HSD17B2: variants seen among roughly 807,000 people sequenced by gnomAD.
HSD17B2 encodes 17-beta-hydroxysteroid dehydrogenase type 2.
HSD17B2 carries 32 observed loss-of-function variants against 26.9 expected under a neutral mutation model. That is an observed-to-expected ratio of 1.19 (90% CI 0.90 to 1.60). The LOEUF is 1.60. HSD17B2 is among the 40% of genes most tolerant of loss of function. The pLI is 0.00. For missense variants in HSD17B2, 613 were observed against 468.6 expected (o/e 1.31, Z -2.85); for synonymous variants, 246 against 186.7 (o/e 1.32, Z -2.59).
intron 1 of HSD17B2, among the ~76,000 whole-genome samples, chr16:82,054,868 C>T (rs1384841626): frequency 2.0e-5 from 3 of 152,116 alleles, no homozygotes; most frequent in Non-Finnish European, 4.4e-5. Flanking sequence ...TGGTTCAAAA[C>T]TTTCTGATGA....
intron 1 of HSD17B2, among the ~76,000 whole-genome samples, chr16:82,066,543 C>CT (rs1914576919): frequency 1.3e-5 from 2 of 152,266 alleles, no homozygotes; most frequent in East Asian, 1.9e-4. Flanking sequence ...AAAATAAGTA[C>CT]TTTTTTGTAG....
chr16:82,038,892 G>C (rs1357485006), intron 1 of HSD17B2, among the ~76,000 whole-genome samples: 1 of 152,106 alleles, frequency 6.6e-6, no homozygotes, highest in Non-Finnish European at 1.5e-5. Context: ...GCCAATTGGA[G>C]ACTAGAGAGC....
At chr16:82,081,206 T>C (rs1403312154) in intron 3 of HSD17B2, among the ~76,000 whole-genome samples, 1 of 152,170 alleles carries the variant, frequency 6.6e-6, no homozygotes, top group Non-Finnish European at 1.5e-5. Flanking sequence ...TTATTGCAAA[T>C]TGTGTTTGCT....
chr16:82,043,633 G>A lies in HSD17B2; in HGVS notation c.265+7944G>A, dbSNP rs1487359379. Among the ~76,000 whole-genome samples the A allele has an allele frequency of 5.6e-5, 7 of 125,552 alleles. 1 individual carries two copies. Among genetic ancestry groups the A allele is most frequent in the African/African-American group, 2.4e-4 (7 of 29,246 alleles). The allele number at this position is 125,552 out of a possible 152,430, so 82.4% of individuals were successfully genotyped here. A position where few individuals can be genotyped will look rare whatever the true frequency, so the allele number is the denominator to read the frequency against. On this transcript the variant is annotated intron_variant, in intron 1 of 4. Coordinates refer to ENST00000199936, the MANE Select transcript of HSD17B2 (RefSeq NM_002153.3). ...CAGGAAGCGGAGCTTGCAGTGAGTC[G>A]AGATCGCGCCACTGCACTGTCTGCC... is the stretch of plus-strand genomic sequence containing the variant.
At chr16:82,078,289 C>A (rs1013009807) in intron 3 of HSD17B2, among the ~76,000 whole-genome samples, 1 of 152,126 alleles carries the variant, frequency 6.6e-6, no homozygotes, top group Non-Finnish European at 1.5e-5. Context: ...AAAATGTGCT[C>A]AATATCATTG....
At chr16:82,079,974 G>A (rs1201966957) in intron 3 of HSD17B2, among the ~76,000 whole-genome samples, 2 of 152,138 alleles carry the variant, frequency 1.3e-5, no homozygotes, top group Non-Finnish European at 2.9e-5. Context: ...ACTAATAAGG[G>A]CTCCAGAAGA....
intron 4 of HSD17B2, chr16:82,091,698 G>C (rs183428827): frequency 1.3e-5 from 2 of 153,036 alleles, no homozygotes; most frequent in East Asian, 1.9e-4. Context: ...CTGGAGTTTC[G>C]TTAAGTCTCT....
chr16:82,093,705 G>C (rs1440170836), intron 4 of HSD17B2: 1 of 152,120 alleles, frequency 6.6e-6, no homozygotes, highest in Non-Finnish European at 1.5e-5. Flanking sequence ...TGAATCTGTA[G>C]AGTAAAGTGA....
intron 1 of HSD17B2, among the ~76,000 whole-genome samples, chr16:82,052,055 G>A (rs74637699): frequency 6.6e-6 from 1 of 152,176 alleles, no homozygotes; most frequent in Non-Finnish European, 1.5e-5. Flanking sequence ...CACATCATAG[G>A]TGCTCAGGAA....
At chr16:82,063,717 G>A (rs1009980086) in intron 1 of HSD17B2, among the ~76,000 whole-genome samples, 6 of 152,178 alleles carry the variant, frequency 3.9e-5, no homozygotes. Context: ...GTTGGGGGCT[G>A]GGATGATCAG....
intron 1 of HSD17B2, among the ~76,000 whole-genome samples, chr16:82,038,154 T>C (rs1299809575): frequency 6.6e-6 from 1 of 152,162 alleles, no homozygotes; most frequent in African/African-American, 2.4e-5. Flanking sequence ...AAAAATGACT[T>C]TTTTCTCCCC....
intron 1 of HSD17B2, among the ~76,000 whole-genome samples, chr16:82,050,030 C>T (rs1187730185): frequency 6.6e-6 from 1 of 152,236 alleles, no homozygotes; most frequent in Non-Finnish European, 1.5e-5. Flanking sequence ...TGTGCCTGGG[C>T]ATTGGTGTTT....
At chr16:82,045,944 G>T (rs78308243) in intron 1 of HSD17B2, among the ~76,000 whole-genome samples, 19 of 152,300 alleles carry the variant, frequency 1.2e-4, no homozygotes, top group African/African-American at 4.6e-4. Flanking sequence ...AGAGTCTTTG[G>T]GAGGTGCTGG....
At chr16:82,045,945 G>A (rs888400069) in intron 1 of HSD17B2, among the ~76,000 whole-genome samples, 6 of 152,218 alleles carry the variant, frequency 3.9e-5, no homozygotes, top group Non-Finnish European at 7.3e-5. Context: ...GAGTCTTTGG[G>A]AGGTGCTGGA....
intron 3 of HSD17B2, among the ~76,000 whole-genome samples, chr16:82,080,589 G>T (rs1035879137): frequency 6.6e-6 from 1 of 152,176 alleles, no homozygotes; most frequent in Non-Finnish European, 1.5e-5. Flanking sequence ...AATTTGTAAT[G>T]TTTAAGCCAC....
intron 1 of HSD17B2, among the ~76,000 whole-genome samples, chr16:82,057,329 GCTGGGA>G (rs1858555490): frequency 6.6e-6 from 1 of 151,926 alleles, no homozygotes; most frequent in Non-Finnish European, 1.5e-5. Context: ...CTCCTGAATA[GCTGGGA>G]CTACAGGCGC....
chr16:82,087,711 T>C (rs1904567058), intron 3 of HSD17B2, among the ~76,000 whole-genome samples: 2 of 152,186 alleles, frequency 1.3e-5, no homozygotes, highest in South Asian at 4.1e-4. Flanking sequence ...TAATTTATAA[T>C]GAACAGAAAT....
chr16:82,098,322 T>G lies in HSD17B2; in HGVS notation c.1050T>G (p.Leu350=). 2 of 1,614,232 alleles carry G rather than the reference T, an allele frequency of 1.2e-6. No individual in the cohort carries two copies. Among genetic ancestry groups the G allele is most frequent in the Non-Finnish European group, 1.7e-6 (2 of 1,180,020 alleles). Residue 350 remains leucine, a synonymous_variant, in exon 5 of 5, where the codon CTT becomes CTG. Coordinates refer to ENST00000199936, the MANE Select transcript of HSD17B2 (RefSeq NM_002153.3). ...PGKGAYLWIC[L]AHYLPIGIYD... ...AAGGCGCTTACTTGTGGATCTGCCTTGCTCACTATTTGCCTATTGGCATAT... is the reference window on the plus strand; with the variant it reads ...AAGGCGCTTACTTGTGGATCTGCCTGGCTCACTATTTGCCTATTGGCATAT...
chr16:82,079,400 G>A (rs1436415492), intron 3 of HSD17B2, among the ~76,000 whole-genome samples: 2 of 152,070 alleles, frequency 1.3e-5, no homozygotes, highest in African/African-American at 4.8e-5. Context: ...TTTTTGCTGT[G>A]TCCTCACATG....
Sources: gnomAD v4.1 joint callset for allele counts (sites outside exome capture counted in the v4.1 genomes callset) on GRCh38, gnomAD v4.1.1 for gene constraint, MANE v1.5 for transcripts, NCBI Gene and HGNC (gene_info 2026-07-23, HGNC 2026-07-21) for gene names.